Variants in HERC1 observed in about 807,000 individuals in gnomAD.
HERC1 encodes the protein HECT and RLD domain containing E3 ubiquitin protein ligase family member 1, also known as probable E3 ubiquitin-protein ligase HERC1.
Under a neutral mutation model 554.3 loss-of-function variants are expected in HERC1, and 160 were observed. The ratio of observed to expected loss-of-function variants is 0.29; its 90% CI spans 0.25 to 0.33. The LOEUF (loss-of-function observed/expected upper bound fraction) is 0.33, where lower values mean the gene tolerates loss of function less well. Ranked by LOEUF, HERC1 falls within the 10% of genes least tolerant of loss-of-function variation. The probability of loss-of-function intolerance (pLI) is 1.00; values close to 1 mark genes in which losing one functional copy is unlikely to be tolerated. For missense variants in HERC1, 4,919 were observed against 5,918.5 expected (o/e 0.83, Z 5.54); for synonymous variants, 2,175 against 2,131.7 (o/e 1.02, Z -0.56).
In HERC1 at chr15:63,666,118, T is replaced by C. The variant is rs1225145076; in HGVS notation, c.8356A>G (p.Thr2786Ala). The change falls in exon 42 of 78, where the codon ACT becomes GCT. Residue 2786 changes from threonine (T) to alanine (A), a missense_variant. By Grantham distance (58) the Thr-to-Ala change is moderately conservative. This residue lies in a region of HERC1 where 1,963 missense variants were observed against 2,228.6 expected (regional missense o/e 0.88). Coordinates refer to ENST00000443617, the MANE Select transcript of HERC1 (RefSeq NM_003922.4). ...TCTATCATCCACATGGCAAGGACAG[T>C]GATATTCTGGGCATCAGCCTCTCCC... Reference protein sequence around the residue: ...ARGEADAQNITVLAMWMIEHP... With the variant: ...ARGEADAQNIAVLAMWMIEHP... 1.2e-6 allele frequency: 2 copies of C among 1,613,666 alleles called. No homozygotes were observed. Among genetic ancestry groups the C allele is most frequent in the Non-Finnish European group, 1.7e-6 (2 of 1,179,788 alleles).
rs764084046 is a variant in HERC1 at position 63,787,822 on chromosome 15, G to A, written c.-26-12173C>T. 4.0e-5 allele frequency among the ~76,000 whole-genome samples: 6 copies of A among 151,676 alleles called. No individual in the cohort carries two copies. The East Asian group carries it at 9.6e-4, about 24-fold the overall frequency. Reference sequence around the variant, plus strand: ...CTACAAATAATACAAAAAATTAACCGGGCGTGGTGGTGTATGCCTGTGGTC... The same window carrying A: ...CTACAAATAATACAAAAAATTAACCAGGCGTGGTGGTGTATGCCTGTGGTC... On this transcript the variant is annotated intron_variant, in intron 1 of 77. Transcript: ENST00000443617.
chr15:63,680,462 C>G lies in HERC1; in HGVS notation c.6465+75G>C. 1 of 1,464,924 alleles carries G rather than the reference C, an allele frequency of 6.8e-7. No individual in the cohort carries two copies. The highest frequency in any genetic ancestry group is 9.3e-7 in the Non-Finnish European group (1 of 1,078,132). The allele number at this position is 1,464,924 out of a possible 1,614,324, so 90.7% of individuals were successfully genotyped here. On this transcript the variant is annotated intron_variant, in intron 35 of 77. Transcript: ENST00000443617. This position sits in a 1 kb window ranked among gnomAD's most constrained non-coding sequence, Gnocchi z 5.8. The stretch of plus-strand genomic sequence containing the variant: ...GAGCAGATAATCTATAAACTGAATA[C>G]GTGGCACTTGAATAACCGAGTTGAC...
intron 1 of HERC1, among the ~76,000 whole-genome samples, chr15:63,785,314 C>T (rs1028604363): frequency 2.0e-5 from 3 of 152,076 alleles, no homozygotes; most frequent in African/African-American, 4.8e-5. Flanking sequence ...GTCCCAGCAA[C>T]TTAGGCTTGG....
chr15:63,644,663 G>A (rs2069239731), intron 57 of HERC1, among the ~76,000 whole-genome samples: 1 of 152,158 alleles, frequency 6.6e-6, no homozygotes, highest in African/African-American at 2.4e-5. Context: ...GCATCAGTTG[G>A]AGATTCTTTG....
rs142168062 is a variant in HERC1 at position 63,820,685 on chromosome 15, C to A, written c.-27+13142G>T. Among the ~76,000 whole-genome samples the A allele has an allele frequency of 3.2e-3, 479 of 147,930 alleles. 3 individuals are homozygous for A. The highest frequency in any genetic ancestry group is 6.0e-3 in the Non-Finnish European group (401 of 66,560). Reference sequence around the variant, plus strand: ...AATCAAAAGCAACAGAGACGTTATCCTTTTTTTTTTGCTTTTGAGACAAGG... The same window carrying A: ...AATCAAAAGCAACAGAGACGTTATCATTTTTTTTTTGCTTTTGAGACAAGG... On this transcript the variant is annotated intron_variant, in intron 1 of 77. Coordinates refer to ENST00000443617, the MANE Select transcript of HERC1 (RefSeq NM_003922.4).
intron 34 of HERC1, among the ~76,000 whole-genome samples, chr15:63,684,019 C>T (rs966312228): frequency 6.6e-6 from 1 of 152,216 alleles, no homozygotes; most frequent in Non-Finnish European, 1.5e-5. Context: ...GGATTTGGAA[C>T]ACTCCCCCTC....
At chr15:63,717,782 G>C (rs1280145912) in intron 21 of HERC1, among the ~76,000 whole-genome samples, 3 of 152,168 alleles carry the variant, frequency 2.0e-5, no homozygotes, top group East Asian at 1.9e-4. Flanking sequence ...TGAGGCAGGA[G>C]AATCACTTGA....
chr15:63,738,577 T>C (rs532484007), intron 12 of HERC1, among the ~76,000 whole-genome samples: 1 of 152,086 alleles, frequency 6.6e-6, no homozygotes, highest in East Asian at 1.9e-4. Context: ...AAGAAGAAAA[T>C]TCAGAGAGGG....
intron 1 of HERC1, among the ~76,000 whole-genome samples, chr15:63,792,130 A>C (rs1342052103): frequency 6.6e-6 from 1 of 152,218 alleles, no homozygotes; most frequent in Non-Finnish European, 1.5e-5. Context: ...ACCAGTTTCT[A>C]ATCTCCTACC....
At chr15:63,687,451 T>A (rs1163774905) in intron 33 of HERC1, among the ~76,000 whole-genome samples, 2 of 151,610 alleles carry the variant, frequency 1.3e-5, no homozygotes, top group Non-Finnish European at 2.9e-5. Context: ...GACAGAAGAA[T>A]CGCTTGAACC....
chr15:63,755,357 T>C (rs757362656), intron 5 of HERC1, 32 bp from the exon 6 acceptor site: 2 of 1,486,128 alleles, frequency 1.3e-6, no homozygotes, highest in Non-Finnish European at 1.9e-6. Context: ...ACGATGAGTA[T>C]GCACATGTTA....
chr15:63,637,426 G>C, intron 64 of HERC1, 79 bp downstream of exon 64: 1 of 1,235,248 alleles, frequency 8.1e-7, no homozygotes, highest in Non-Finnish European at 1.1e-6. Context: ...GCAAAGGTTT[G>C]AGAAGGGCAA....
At chr15:63,763,796 C>A (rs914533455) in intron 3 of HERC1, among the ~76,000 whole-genome samples, 2 of 151,948 alleles carry the variant, frequency 1.3e-5, no homozygotes, top group Non-Finnish European at 2.9e-5. Flanking sequence ...TATAATAATT[C>A]ATTAAGCAAT....
intron 19 of HERC1, among the ~76,000 whole-genome samples, chr15:63,720,102 C>CT (rs1214451219): frequency 4.8e-5 from 1 of 20,960 alleles, no homozygotes; most frequent in Non-Finnish European, 1.4e-4. Context: ...CTTTTTCTTC[C>CT]CTTTTTTTTT....
chr15:63,668,184 A>G (rs1342246714), intron 40 of HERC1, among the ~76,000 whole-genome samples: 1 of 152,248 alleles, frequency 6.6e-6, no homozygotes, highest in African/African-American at 2.4e-5. Context: ...AAAACCAACC[A>G]TATCAATGAT....
At chr15:63,783,028 T>A (rs2076331353) in intron 1 of HERC1, among the ~76,000 whole-genome samples, 2 of 152,226 alleles carry the variant, frequency 1.3e-5, no homozygotes, top group Admixed American at 6.5e-5. Context: ...TTTATTGAAA[T>A]GAAAGATATT....
intron 62 of HERC1, 55 bp from the exon 63 acceptor site, chr15:63,638,591 T>C (rs956831962): frequency 1.9e-6 from 3 of 1,612,210 alleles, no homozygotes; most frequent in Admixed American, 1.7e-5. Context: ...CAAACAGCCA[T>C]GTACTACGTA....
At chr15:63,645,262 C>G (rs868406000) in intron 56 of HERC1, among the ~76,000 whole-genome samples, 165 bp from the exon 57 acceptor site, 6 of 152,168 alleles carry the variant, frequency 3.9e-5, no homozygotes, top group Admixed American at 6.6e-5. Context: ...GGCCAATATT[C>G]TAACAACATC....
At chr15:63,720,798 A>C (rs2073786432) in intron 19 of HERC1, among the ~76,000 whole-genome samples, 1 of 152,198 alleles carries the variant, frequency 6.6e-6, no homozygotes. Context: ...CCTAATATTC[A>C]ATTTTAAAAG....
Sources: gnomAD v4.1 joint callset for allele counts (sites outside exome capture counted in the v4.1 genomes callset) on GRCh38, gnomAD v4.1.1 for gene constraint, gnomAD v4.1.1 regional missense constraint, Gnocchi (gnomAD v3.1) non-coding constraint, MANE v1.5 for transcripts, NCBI Gene and HGNC (gene_info 2026-07-23, HGNC 2026-07-21) for gene names.